The following ATP1A1 variants were observed in gnomAD, a reference collection of about 807,000 sequenced individuals.
ATP1A1 encodes the protein ATPase Na+/K+ transporting subunit alpha 1.
In ATP1A1, 14 loss-of-function variants were observed where a neutral mutation model predicts 114.8. That is an observed-to-expected ratio of 0.12 (90% CI 0.08 to 0.19). The LOEUF is 0.19. Ranked by LOEUF, ATP1A1 falls within the 10% of genes least tolerant of loss-of-function variation. ATP1A1 has a pLI of 1.00. For missense variants in ATP1A1, 524 were observed against 1,290.7 expected, an observed-to-expected ratio of 0.41 and a Z score of 9.10; for synonymous variants, 471 against 466.3, an observed-to-expected ratio of 1.01 and a Z score of -0.13.
intron 10 of ATP1A1, among the ~76,000 whole-genome samples, chr1:116,392,087 A>T (rs1652511636): frequency 1.3e-5 from 2 of 152,358 alleles, no homozygotes; most frequent in South Asian, 4.1e-4. Flanking sequence ...TGATCTGTTC[A>T]TCTGCATATG....
At chr1:116,374,297 G>A in intron 1 of ATP1A1, 1 of 1,551,464 alleles carries the variant, frequency 6.4e-7, no homozygotes, top group South Asian at 1.2e-5. Flanking sequence ...ATGCACCGAT[G>A]GCAACTGGAG....
In ATP1A1 at chr1:116,399,372, G is replaced by T. The variant is rs746153260; in HGVS notation, c.2449-48G>T. The T allele has an allele frequency of 6.3e-7, 1 of 1,595,126 alleles. No homozygotes were observed. Among genetic ancestry groups the T allele is most frequent in the Non-Finnish European group, 8.5e-7 (1 of 1,171,918 alleles). ...TTATAACAAAAGGTTCACAATATTA[G>T]CTTCCTTATTTTTAGTAACTAAATT... On this transcript the variant is annotated intron_variant, in intron 17 of 22. Coordinates refer to ENST00000295598, the MANE Select transcript of ATP1A1 (RefSeq NM_000701.8). This position sits in a 1 kb window ranked among gnomAD's most constrained non-coding sequence, Gnocchi z 5.0.
Position 116,388,464 on chromosome 1 carries a change from C to T in ATP1A1, c.502-174C>T. 4 of 1,004,056 alleles carry T rather than the reference C, an allele frequency of 4.0e-6. No individual in the cohort carries two copies. The highest frequency in any genetic ancestry group is 5.2e-5 in the East Asian group (2 of 38,380). The allele number at this position is 1,004,056 out of a possible 1,614,324, so 62.2% of individuals were successfully genotyped here. A position where few individuals can be genotyped will look rare whatever the true frequency, so the allele number is the denominator to read the frequency against. ...TGAATACAGGCACACCATGTAACAG[C>T]AATATCTCTTAAACTGGCGAGCAAG... On this transcript the variant is annotated intron_variant, in intron 5 of 22. Coordinates refer to ENST00000295598, the MANE Select transcript of ATP1A1 (RefSeq NM_000701.8). The surrounding 1 kb of genome is among the most constrained non-coding windows in gnomAD (Gnocchi z 5.6).
rs1177991548 is a variant in ATP1A1, at chr1:116,397,967, C to T, written c.2053C>T (p.His685Tyr). The change falls in exon 15 of 23, where the codon CAC (histidine) becomes TAC (tyrosine). Residue 685 changes from histidine to tyrosine, a missense_variant. Coordinates refer to ENST00000295598, the MANE Select transcript of ATP1A1 (RefSeq NM_000701.8). The surrounding 1 kb of genome is among the most constrained non-coding windows in gnomAD (Gnocchi z 4.2). The part of the protein sequence containing the change: ...SEQLDDILKY[H>Y]TEIVFARTSP... The stretch of plus-strand genomic sequence containing the variant: ...GCAGCTGGATGACATTTTGAAGTAC[C>T]ACACTGAGATAGTGTTTGCCAGGAC... The T allele has an allele frequency of 1.2e-6, 2 of 1,613,712 alleles. No homozygotes were observed. The highest frequency in any genetic ancestry group is 1.7e-6 in the Non-Finnish European group (2 of 1,179,994).
Position 116,390,382 on chromosome 1 carries a change from A to G in ATP1A1, c.1193A>G (p.His398Arg). The change falls in exon 9 of 23, where the codon CAT becomes CGT. Residue 398 changes from histidine (H) to arginine (R), a missense_variant. Physicochemically the swap from His to Arg is conservative, Grantham distance 29. Around this residue, in one of 8 missense-constraint regions of ATP1A1, gnomAD observed 143 missense variants for 259.3 expected, o/e 0.55. Coordinates refer to ENST00000295598, the MANE Select transcript of ATP1A1 (RefSeq NM_000701.8). The part of the protein sequence containing the change: ...VAHMWFDNQI[H>R]EADTTENQSG... ...CACATGTGGTTTGACAATCAAATCC[A>G]TGAAGCTGATACGACAGAGAATCAG... The G allele has an allele frequency of 6.2e-7, 1 of 1,614,162 alleles. No homozygotes were observed. Among genetic ancestry groups the G allele is most frequent in the South Asian group, 1.1e-5 (1 of 91,080 alleles).
At chr1:116,377,053 A>G (rs1651420585) in intron 1 of ATP1A1, among the ~76,000 whole-genome samples, 1 of 152,240 alleles carries the variant, frequency 6.6e-6, no homozygotes, top group African/African-American at 2.4e-5. Flanking sequence ...TCTTTTAAAT[A>G]TATCTAAACT....
chr1:116,401,754 G>A lies in ATP1A1; in HGVS notation c.2951+99G>A. 4 of 1,257,324 alleles carry A rather than the reference G, an allele frequency of 3.2e-6. No individual in the cohort carries two copies. Among genetic ancestry groups the A allele is most frequent in the Non-Finnish European group, 4.6e-6 (4 of 878,196 alleles). The allele number at this position is 1,257,324 out of a possible 1,614,324, so 77.9% of individuals were successfully genotyped here. ...ATAGTTGTTATTTTCAGAATTTTGA[G>A]TGGTATGTACAAAAATTCCTATGGG... On this transcript the variant is annotated intron_variant, in intron 21 of 22. Transcript: ENST00000295598. The surrounding 1 kb of genome is among the most constrained non-coding windows in gnomAD (Gnocchi z 4.7).
chr1:116,391,241 A>C (rs1418283715), intron 10 of ATP1A1, among the ~76,000 whole-genome samples: 2 of 152,234 alleles, frequency 1.3e-5, no homozygotes, highest in South Asian at 2.1e-4. Context: ...CCTAGTGGAC[A>C]GTGAGAGCTG....
Position 116,403,950 on chromosome 1 carries a change from A to G in ATP1A1, c.3018A>G (p.Lys1006=), listed in dbSNP as rs752411608. 8.7e-6 allele frequency: 14 copies of G among 1,614,058 alleles called. No individual in the cohort carries two copies. The South Asian group carries it at 1.3e-4, about 15-fold the overall frequency. Residue 1006 remains lysine (K), a synonymous_variant, in exon 22 of 23, where the codon AAA becomes AAG. Transcript: ENST00000295598. ...LLIFVYDEVR[K]LIIRRRPGGW... is the part of the protein sequence containing the mutation. The stretch of plus-strand genomic sequence containing the variant: ...TCTTCGTATATGACGAAGTCAGAAA[A>G]CTCATCATCAGGCGACGCCCTGGCG...
chr1:116,399,155 C>T lies in ATP1A1; in HGVS notation c.2448+71C>T. ...TGTGTCTTCATTCACTGGCACTATG[C>T]TCCCAGCATCCATGAGGCTGGCGTT... On this transcript the variant is annotated intron_variant, in intron 17 of 22. Coordinates refer to ENST00000295598, the MANE Select transcript of ATP1A1 (RefSeq NM_000701.8). This position sits in a 1 kb window ranked among gnomAD's most constrained non-coding sequence, Gnocchi z 5.0. The T allele has an allele frequency of 6.3e-7, 1 of 1,596,672 alleles. No individual in the cohort carries two copies. The highest frequency in any genetic ancestry group is 1.3e-5 in the African/African-American group (1 of 74,670).
chr1:116,403,970 C>G lies in ATP1A1; in HGVS notation c.3038C>G (p.Pro1013Arg), dbSNP rs1653759299. ...EVRKLIIRRR[P>R]GGWVEKETYY ...AGAAAACTCATCATCAGGCGACGCC[C>G]TGGCGGTAATTATGGGCATTCTGAC... Residue 1013 changes from proline to arginine, a missense_variant, in exon 22 of 23, where the codon CCT becomes CGT. Pro to Arg is a moderately radical substitution (Grantham distance 103, BLOSUM62 -2). Around this residue, in one of 8 missense-constraint regions of ATP1A1, gnomAD observed 84 missense variants for 209.3 expected, o/e 0.40. Coordinates refer to ENST00000295598, the MANE Select transcript of ATP1A1 (RefSeq NM_000701.8). The G allele has an allele frequency of 6.2e-7, 1 of 1,613,792 alleles. No homozygotes were observed. Among genetic ancestry groups the G allele is most frequent in the Non-Finnish European group, 8.5e-7 (1 of 1,179,828 alleles).
At chr1:116,396,853 C>T (rs1418998326) in intron 14 of ATP1A1, 119 bp downstream of exon 14, 2 of 1,267,778 alleles carry the variant, frequency 1.6e-6, no homozygotes, top group Non-Finnish European at 2.1e-6. Flanking sequence ...GGAAATGTAC[C>T]TGCACTGCCA....
rs111860221 is a variant in ATP1A1, at chr1:116,384,047, T to A, written c.46T>A (p.Ser16Thr). The A allele has an allele frequency of 6.2e-7, 1 of 1,614,072 alleles. No homozygotes were observed. The highest frequency in any genetic ancestry group is 2.2e-5 in the East Asian group (1 of 44,868). The change falls in exon 2 of 23, where the codon TCA becomes ACA. Residue 16 changes from serine (S) to threonine (T), a missense_variant. Around this residue, in one of 8 missense-constraint regions of ATP1A1, gnomAD observed 33 missense variants for 31.2 expected, o/e 1.06. Transcript: ENST00000295598. The surrounding 1 kb of genome is among the most constrained non-coding windows in gnomAD (Gnocchi z 5.1). ...TGATAAGTATGAGCCTGCAGCTGTT[T>A]CAGAACAAGGTGATAAAAAGGGCAA... is the stretch of plus-strand genomic sequence containing the variant. ...GRDKYEPAAV[S>T]EQGDKKGKKG...
At chr1:116,391,285 A>T (rs1450281194) in intron 10 of ATP1A1, among the ~76,000 whole-genome samples, 1 of 152,246 alleles carries the variant, frequency 6.6e-6, no homozygotes, top group Non-Finnish European at 1.5e-5. Flanking sequence ...GTATTTGCAT[A>T]TTAGGATACA....
chr1:116,399,766 T>C lies in ATP1A1; in HGVS notation c.2572+223T>C, dbSNP rs1653274351. Among the ~76,000 whole-genome samples, 1 of 152,220 alleles carries C rather than the reference T, an allele frequency of 6.6e-6. No individual in the cohort carries two copies. Among genetic ancestry groups the C allele is most frequent in the South Asian group, 2.1e-4 (1 of 4,826 alleles). ...TTACCTTTTGTGGAAACTGGTTTTC[T>C]ATACTGAGCACCTTGGAACTGGGCT... is the stretch of plus-strand genomic sequence containing the variant. On this transcript the variant is annotated intron_variant, in intron 18 of 22. Coordinates refer to ENST00000295598, the MANE Select transcript of ATP1A1 (RefSeq NM_000701.8). The surrounding 1 kb of genome is among the most constrained non-coding windows in gnomAD (Gnocchi z 5.0).
Position 116,393,120 on chromosome 1 carries a change from T to G in ATP1A1, c.1467+132T>G. 1.6e-6 allele frequency: 2 copies of G among 1,285,720 alleles called. No individual in the cohort carries two copies. The highest frequency in any genetic ancestry group is 5.2e-5 in the Admixed American group (2 of 38,606). 79.6% of individuals were successfully genotyped at this position (1,285,720 alleles called of 1,614,324 possible). A position where few individuals can be genotyped will look rare whatever the true frequency, so the allele number is the denominator to read the frequency against. The stretch of plus-strand genomic sequence containing the variant: ...TTTAGCTTTAAATTTTGCCCTTGAT[T>G]ACCATAGAATGCCATAATTTAGTTG... On this transcript the variant is annotated intron_variant, in intron 11 of 22. Coordinates refer to ENST00000295598, the MANE Select transcript of ATP1A1 (RefSeq NM_000701.8). This position sits in a 1 kb window ranked among gnomAD's most constrained non-coding sequence, Gnocchi z 5.0.
At chr1:116,386,339 C>G (rs1367950657) in intron 3 of ATP1A1, among the ~76,000 whole-genome samples, 2 of 152,026 alleles carry the variant, frequency 1.3e-5, no homozygotes, top group Non-Finnish European at 2.9e-5. Context: ...GAAGTGTGCT[C>G]TCTCCGACCT....
In ATP1A1 at chr1:116,399,381, T is replaced by C. The variant is rs1399929169; in HGVS notation, c.2449-39T>C. On this transcript the variant is annotated intron_variant, in intron 17 of 22. Coordinates refer to ENST00000295598, the MANE Select transcript of ATP1A1 (RefSeq NM_000701.8). This position sits in a 1 kb window ranked among gnomAD's most constrained non-coding sequence, Gnocchi z 5.0. ...AAGGTTCACAATATTAGCTTCCTTA[T>C]TTTTAGTAACTAAATTCCTTCTCCC... 1.3e-6 allele frequency: 2 copies of C among 1,598,836 alleles called. No homozygotes were observed. The highest frequency in any genetic ancestry group is 2.7e-5 in the African/African-American group (2 of 74,052).
At position 116,397,451 on chromosome 1, in the gene ATP1A1, C is replaced by G. The variant is rs1158502305; in HGVS notation, c.1974-437C>G. On this transcript the variant is annotated intron_variant, in intron 14 of 22. Transcript: ENST00000295598. The surrounding 1 kb of genome is among the most constrained non-coding windows in gnomAD (Gnocchi z 4.2). ...TCTCCTGCCTCAGCCTCCCAAGTAG[C>G]TGGGATTACAGGCCCCAACCACCAT... Among the ~76,000 whole-genome samples, 1 of 152,176 alleles carries G rather than the reference C, an allele frequency of 6.6e-6. No homozygotes were observed. Among genetic ancestry groups the G allele is most frequent in the Non-Finnish European group, 1.5e-5 (1 of 68,030 alleles).
Sources: allele counts gnomAD v4.1 joint callset (sites outside exome capture counted in the v4.1 genomes callset), GRCh38; gene constraint gnomAD v4.1.1; regional missense constraint gnomAD v4.1.1; non-coding constraint Gnocchi (gnomAD v3.1); transcripts MANE v1.5; gene names NCBI Gene and HGNC (gene_info 2026-07-23, HGNC 2026-07-21).